The following ESRRG variants were observed in gnomAD, a reference collection of about 807,000 sequenced individuals.
ESRRG encodes estrogen related receptor gamma.
A neutral mutation model predicts 44.0 loss-of-function variants in ESRRG; 13 were observed. The ratio of observed to expected loss-of-function variants is 0.30; its 90% CI spans 0.19 to 0.47. The LOEUF (loss-of-function observed/expected upper bound fraction) is 0.47. ESRRG is among the 20% of genes least tolerant of loss of function. The pLI is 1.00. For missense variants in ESRRG, 395 were observed against 580.6 expected, an observed-to-expected ratio of 0.68 and a Z score of 3.29; for synonymous variants, 215 against 214.6, an observed-to-expected ratio of 1.00 and a Z score of -0.02.
At position 216,701,313 on chromosome 1, in the gene ESRRG, AACCTGC is replaced by A. The variant is rs545340217; in HGVS notation, c.56+21925_56+21930del. The A allele has an allele frequency of 3.9e-5, 6 of 152,302 alleles. No homozygotes were observed. The East Asian group carries it at 1.2e-3, about 29-fold the overall frequency. 9.4% of individuals were successfully genotyped at this position (152,302 alleles called of 1,614,324 possible). ...CCAAAATAAAGTGCATTATTTTTAA[AACCTGC>A]ACCCAATATCATCCTTACTGTATGA... On this transcript the variant is annotated intron_variant, in intron 1 of 6. Coordinates refer to ENST00000408911, the MANE Select transcript of ESRRG (RefSeq NM_001438.4).
At chr1:216,533,476 G>T (rs2050017058) in intron 5 of ESRRG, among the ~76,000 whole-genome samples, 1 of 152,068 alleles carries the variant, frequency 6.6e-6, no homozygotes, top group African/African-American at 2.4e-5. Flanking sequence ...CTATCTCAGA[G>T]CCTGCATTTA....
At chr1:216,723,586 G>C (rs1156433634), upstream of ESRRG, 1 of 433,688 alleles carries the variant, frequency 2.3e-6, no homozygotes, top group Non-Finnish European at 4.1e-6. Context: ...CGGAGCGAGA[G>C]GAGCCAGGCA....
intron 1 of ESRRG, among the ~76,000 whole-genome samples, chr1:216,975,901 T>A (rs921443656): frequency 9.2e-5 from 14 of 152,216 alleles, no homozygotes; most frequent in Non-Finnish European, 1.9e-4. Flanking sequence ...CAAATCATTT[T>A]ACCTTCTTAT....
intron 1 of ESRRG, among the ~76,000 whole-genome samples, chr1:216,713,184 G>GT (rs1553532059): frequency 2.6e-5 from 4 of 151,998 alleles, no homozygotes; most frequent in Non-Finnish European, 1.5e-5. Context: ...ATTTGTAGGC[G>GT]TCAAATTACA....
intron 1 of ESRRG, among the ~76,000 whole-genome samples, chr1:217,105,910 C>T (rs2092587798): frequency 6.6e-6 from 1 of 152,148 alleles, no homozygotes; most frequent in African/African-American, 2.4e-5. Flanking sequence ...TCACTTTCAC[C>T]CTATTTCACT....
chr1:217,058,352 T>G (rs1165976469), intron 1 of ESRRG, among the ~76,000 whole-genome samples: 1 of 152,190 alleles, frequency 6.6e-6, no homozygotes, highest in Non-Finnish European at 1.5e-5. Context: ...CAAATTGTTA[T>G]GAATATGGAC....
intron 1 of ESRRG, among the ~76,000 whole-genome samples, chr1:217,126,121 C>G (rs973898372): frequency 2.0e-5 from 3 of 152,052 alleles, no homozygotes; most frequent in Non-Finnish European, 4.4e-5. Flanking sequence ...AGCTCTGCAT[C>G]CAGACTAGTT....
intron 1 of ESRRG, among the ~76,000 whole-genome samples, chr1:216,718,062 T>C (rs769307682): frequency 1.8e-4 from 28 of 151,810 alleles, no homozygotes; most frequent in Non-Finnish European, 3.5e-4. Context: ...AATGTGAAAA[T>C]TCTAAAATCA....
At chr1:217,033,373 C>T (rs1314681063) in intron 1 of ESRRG, among the ~76,000 whole-genome samples, 4 of 152,174 alleles carry the variant, frequency 2.6e-5, no homozygotes, top group Non-Finnish European at 5.9e-5. Flanking sequence ...TAGAGATGGC[C>T]TCTGAATATT....
chr1:216,979,032 C>G (rs1453142226), intron 1 of ESRRG, among the ~76,000 whole-genome samples: 1 of 152,054 alleles, frequency 6.6e-6, no homozygotes, highest in Non-Finnish European at 1.5e-5. Context: ...GAAGTTTGCT[C>G]CATGCTCTCT....
intron 1 of ESRRG, among the ~76,000 whole-genome samples, chr1:217,120,413 T>C (rs766100442): frequency 1.3e-5 from 2 of 151,348 alleles, no homozygotes; most frequent in Non-Finnish European, 2.9e-5. Context: ...TATCATCCAA[T>C]CAGCTAATAC....
chr1:216,522,637 T>G (rs1351865526), intron 5 of ESRRG, among the ~76,000 whole-genome samples: 1 of 152,100 alleles, frequency 6.6e-6, no homozygotes, highest in Non-Finnish European at 1.5e-5. Context: ...AATAGAAATT[T>G]TATCTTAATT....
At chr1:216,825,045 C>T (rs1559776739) in intron 2 of ESRRG, among the ~76,000 whole-genome samples, 1 of 152,158 alleles carries the variant, frequency 6.6e-6, no homozygotes, top group Non-Finnish European at 1.5e-5. Flanking sequence ...CTTGATCCAT[C>T]TGCTTGTTTT....
intron 2 of ESRRG, among the ~76,000 whole-genome samples, chr1:216,897,544 C>G (rs779615678): frequency 6.6e-6 from 1 of 152,162 alleles, no homozygotes; most frequent in Non-Finnish European, 1.5e-5. Flanking sequence ...TTTATATAGG[C>G]TTTCCCTGCA....
intron 1 of ESRRG, among the ~76,000 whole-genome samples, chr1:217,006,643 T>C (rs2077777497): frequency 1.3e-5 from 2 of 152,158 alleles, no homozygotes; most frequent in Non-Finnish European, 1.5e-5. Context: ...GACTCAAGTC[T>C]AAACACAAAA....
intron 1 of ESRRG, among the ~76,000 whole-genome samples, chr1:216,713,363 G>GAAA (rs67579659): frequency 7.7e-6 from 1 of 130,182 alleles, no homozygotes; most frequent in Non-Finnish European, 1.7e-5. Flanking sequence ...TTCCTTTCTT[G>GAAA]AAAAAAAAAA....
intron 2 of ESRRG, among the ~76,000 whole-genome samples, chr1:216,820,520 T>C (rs956096260): frequency 1.3e-5 from 2 of 152,204 alleles, no homozygotes; most frequent in African/African-American, 4.8e-5. Context: ...TCTTTTTTTT[T>C]CAGTTCAAAT....
At chr1:216,885,257 CATAAGGT>C (rs758968815) in intron 2 of ESRRG, among the ~76,000 whole-genome samples, 3 of 152,022 alleles carry the variant, frequency 2.0e-5, no homozygotes, top group Non-Finnish European at 4.4e-5. Context: ...TGTATGAACA[CATAAGGT>C]ATACACTATA....
At chr1:216,666,722 G>A (rs549497257) in intron 2 of ESRRG, among the ~76,000 whole-genome samples, 4 of 152,286 alleles carry the variant, frequency 2.6e-5, no homozygotes, top group South Asian at 2.1e-4. Context: ...AGCCACACCC[G>A]CTTCCTGAAA....
Sources: gnomAD v4.1 joint callset for allele counts (sites outside exome capture counted in the v4.1 genomes callset) on GRCh38, gnomAD v4.1.1 for gene constraint, MANE v1.5 for transcripts, NCBI Gene and HGNC (gene_info 2026-07-23, HGNC 2026-07-21) for gene names.